Variants in CEACAM1 observed in about 807,000 individuals in gnomAD.
The protein encoded by CEACAM1 is cell adhesion molecule CEACAM1.
CEACAM1 carries 31 observed loss-of-function variants against 49.1 expected under a neutral mutation model. The observed-to-expected ratio is 0.63, with a 90% confidence interval of 0.47 to 0.85. The LOEUF (loss-of-function observed/expected upper bound fraction) is 0.85, where lower values mean the gene tolerates loss of function less well. Ranked by LOEUF, CEACAM1 falls within the 40% of genes least tolerant of loss-of-function variation. CEACAM1 has a pLI of 0.00. For synonymous variants in CEACAM1, 244 were observed against 247.8 expected, an observed-to-expected ratio of 0.98 and a Z score of 0.14; for missense variants, 570 against 645.3, an observed-to-expected ratio of 0.88 and a Z score of 1.26.
chr19:42,523,360 C>G (rs1054280556), intron 2 of CEACAM1, among the ~76,000 whole-genome samples: 2 of 152,192 alleles, frequency 1.3e-5, no homozygotes, highest in African/African-American at 4.8e-5. Flanking sequence ...GCAGCAGAAC[C>G]ACAAGGTGGG....
At chr19:42,509,473 T>A (rs1410264655) in intron 8 of CEACAM1, among the ~76,000 whole-genome samples, 1 of 152,146 alleles carries the variant, frequency 6.6e-6, no homozygotes, top group Non-Finnish European at 1.5e-5. Context: ...CACAAATACA[T>A]ACAATATGGA....
chr19:42,513,934 C>G (rs2041532205), intron 5 of CEACAM1, among the ~76,000 whole-genome samples: 1 of 116,724 alleles, frequency 8.6e-6, no homozygotes, highest in Non-Finnish European at 1.6e-5. Flanking sequence ...TAAATAATAC[C>G]TTTTGCATCT....
At chr19:42,516,083 T>C (rs2041593466) in intron 5 of CEACAM1, among the ~76,000 whole-genome samples, 1 of 152,200 alleles carries the variant, frequency 6.6e-6, no homozygotes, top group Non-Finnish European at 1.5e-5. Context: ...TAGTCAATGG[T>C]GAAAGATTGA....
intron 2 of CEACAM1, among the ~76,000 whole-genome samples, chr19:42,524,174 T>A (rs533887549): frequency 2.5e-4 from 38 of 152,334 alleles, no homozygotes; most frequent in African/African-American, 8.7e-4. Flanking sequence ...GAGACACCAG[T>A]GGCTAATGCA....
At chr19:42,518,889 C>T (rs200176855) in intron 5 of CEACAM1, 59 bp downstream of exon 5, 356 of 1,568,770 alleles carry the variant, frequency 2.3e-4, no homozygotes, top group Middle Eastern at 6.7e-4. Flanking sequence ...ATCCATTTTG[C>T]ACACCATTGA....
At chr19:42,517,617 A>G (rs937156958) in intron 5 of CEACAM1, among the ~76,000 whole-genome samples, 14 of 152,240 alleles carry the variant, frequency 9.2e-5, no homozygotes, top group Admixed American at 3.9e-4. Flanking sequence ...CAAAACTCCA[A>G]TGATATACCA....
intron 6 of CEACAM1, 131 bp from the exon 7 acceptor site, chr19:42,511,759 C>T (rs2041462189): frequency 2.6e-6 from 2 of 779,954 alleles, no homozygotes; most frequent in Non-Finnish European, 4.3e-6. Flanking sequence ...TTCTGAGGGC[C>T]TCGTTCTTCA....
chr19:42,511,519 G>A, intron 7 of CEACAM1, 57 bp downstream of exon 7: 1 of 1,412,576 alleles, frequency 7.1e-7, no homozygotes, highest in Non-Finnish European at 1.0e-6. Context: ...TTCCCTGCCA[G>A]GGGAGGGCAC....
intron 5 of CEACAM1, among the ~76,000 whole-genome samples, chr19:42,514,134 C>CTT (rs113780562): frequency 6.8e-5 from 9 of 132,604 alleles, no homozygotes; most frequent in African/African-American, 2.3e-4. Context: ...TTTTTTCTTT[C>CTT]TTTTTTTTTT....
chr19:42,519,011 A>AAT lies in CEACAM1; in HGVS notation c.1181_1182dup (p.Trp395IlefsTer19), dbSNP rs1188111107. On this transcript the variant is annotated frameshift_variant, in exon 5 of 9. Transcript: ENST00000161559. LOFTEE classifies it high-confidence loss of function. ...CTGATTGGGTTGAAGACCTCACACC[A>AAT]ATACGTCCCAGCATCCTCCCTCTTG... 1 of 1,613,850 alleles carries AAT rather than the reference A, an allele frequency of 6.2e-7. No individual in the cohort carries two copies. Among genetic ancestry groups the AAT allele is most frequent in the Non-Finnish European group, 8.5e-7 (1 of 1,179,960 alleles).
At position 42,521,796 on chromosome 19, in the gene CEACAM1, A is replaced by G. The variant is rs545779300; in HGVS notation, c.703+128T>C. On this transcript the variant is annotated intron_variant, in intron 3 of 8. Transcript: ENST00000161559. ...CAGGTTTGCCTGGGGAAAGGAAGTC[A>G]TGGCCAGCCTGGGTGTCCAGGGTTA... The G allele has an allele frequency of 5.7e-6, 9 of 1,565,714 alleles. No individual in the cohort carries two copies. The East Asian group carries it at 2.0e-4, about 35-fold the overall frequency.
rs769492272 is a variant in CEACAM1, at chr19:42,518,963, T to C, written c.1231A>G (p.Met411Val). The change falls in exon 5 of 9, where the codon ATG becomes GTG. Residue 411 changes from methionine (M) to valine (V), a missense_variant. By Grantham distance (21) the Met-to-Val change is conservative. Transcript: ENST00000161559. Reference sequence around the variant, plus strand: ...AGTCACTTACAGTTTACGTTCAGCATGATGGGGTCGCTTTGGTTCTTACTG... The same window carrying C: ...AGTCACTTACAGTTTACGTTCAGCACGATGGGGTCGCTTTGGTTCTTACTG... The part of the protein sequence containing the change: ...PISKNQSDPI[M>V]LNVNYNALPQ... The C allele has an allele frequency of 1.2e-6, 2 of 1,614,168 alleles. No individual in the cohort carries two copies. The highest frequency in any genetic ancestry group is 2.7e-5 in the African/African-American group (2 of 75,058).
intron 5 of CEACAM1, 82 bp from the exon 6 acceptor site, chr19:42,512,561 G>A (rs1467096008): frequency 7.3e-7 from 1 of 1,363,344 alleles, no homozygotes; most frequent in African/African-American, 1.4e-5. Context: ...TCAGAATGAA[G>A]TAGTTTCTAA....
At chr19:42,518,923 T>C (rs756420030) in intron 5 of CEACAM1, 25 bp downstream of exon 5, 2 of 1,612,996 alleles carry the variant, frequency 1.2e-6, no homozygotes, top group East Asian at 2.2e-5. Context: ...GAGGGACATA[T>C]AGGAAGGGGT....
chr19:42,527,637 C>CCTGG, intron 1 of CEACAM1: 2 of 518,976 alleles, frequency 3.9e-6, no homozygotes, highest in Non-Finnish European at 6.4e-6. Flanking sequence ...CCCAGGGATC[C>CCTGG]GCATGGCTCC....
chr19:42,514,143 T>G (rs2041539984), intron 5 of CEACAM1, among the ~76,000 whole-genome samples: 1 of 149,230 alleles, frequency 6.7e-6, no homozygotes. Context: ...TCTTTTTTTT[T>G]TTTTTGAGAC....
At chr19:42,521,618 A>C in intron 3 of CEACAM1, 97 bp from the exon 4 acceptor site, 1 of 1,546,694 alleles carries the variant, frequency 6.5e-7, no homozygotes, top group South Asian at 1.3e-5. Flanking sequence ...CTACTAAGTC[A>C]CAACCCTGAA....
rs772800700 is a variant in CEACAM1 at position 42,522,233 on chromosome 19, G to A, written c.425-31C>T. On this transcript the variant is annotated intron_variant, in intron 2 of 8. Coordinates refer to ENST00000161559, the MANE Select transcript of CEACAM1 (RefSeq NM_001712.5). ...CAGAAAACAGAGAGAAGATTGCCCTGTGTGGCACCTTTGATTCCTCCACAG... is the reference window on the plus strand; with the variant it reads ...CAGAAAACAGAGAGAAGATTGCCCTATGTGGCACCTTTGATTCCTCCACAG... 3.7e-6 allele frequency: 6 copies of A among 1,611,798 alleles called. No individual in the cohort carries two copies. The East Asian group carries it at 1.1e-4, about 30-fold the overall frequency.
chr19:42,510,998 C>T, intron 7 of CEACAM1, 78 bp from the exon 8 acceptor site: 1 of 1,354,772 alleles, frequency 7.4e-7, no homozygotes, highest in Non-Finnish European at 1.1e-6. Context: ...AAGGAGGTGG[C>T]AGTTGGAGGG....
Sources: gnomAD v4.1 joint callset for allele counts (sites outside exome capture counted in the v4.1 genomes callset) on GRCh38, gnomAD v4.1.1 for gene constraint, MANE v1.5 for transcripts, NCBI Gene and HGNC (gene_info 2026-07-23, HGNC 2026-07-21) for gene names.